The following PXDNL variants were observed in gnomAD, a reference collection of about 807,000 sequenced individuals.
PXDNL encodes the protein peroxidasin like.
A neutral mutation model predicts 150.8 loss-of-function variants in PXDNL; 145 were observed. The observed-to-expected ratio is 0.96, with a 90% CI of 0.84 to 1.10. The LOEUF (loss-of-function observed/expected upper bound fraction) is 1.10, where lower values mean the gene tolerates loss of function less well. PXDNL is among the 50% of genes least tolerant of loss of function. PXDNL has a pLI of 0.00. For missense variants in PXDNL, 2,087 were observed against 1,873.9 expected (o/e 1.11, Z -2.10); for synonymous variants, 757 against 725.7 (o/e 1.04, Z -0.69).
chr8:51,494,246 C>G (rs1314695977), intron 5 of PXDNL, among the ~76,000 whole-genome samples: 2 of 151,894 alleles, frequency 1.3e-5, no homozygotes, highest in African/African-American at 4.8e-5. Context: ...ACTTTGTCAC[C>G]ACCAGGCCTG....
At chr8:51,517,023 T>C (rs1205683581) in intron 4 of PXDNL, among the ~76,000 whole-genome samples, 1 of 152,226 alleles carries the variant, frequency 6.6e-6, no homozygotes, top group Non-Finnish European at 1.5e-5. Context: ...TCCTTTTACT[T>C]TCTTTTCAGG....
At chr8:51,357,121 A>T (rs907385585) in intron 19 of PXDNL, among the ~76,000 whole-genome samples, 1 of 152,216 alleles carries the variant, frequency 6.6e-6, no homozygotes, top group Admixed American at 6.5e-5. Flanking sequence ...CTCATGGACA[A>T]CAAGCAACAT....
chr8:51,582,734 A>G (rs1465719355), intron 3 of PXDNL, among the ~76,000 whole-genome samples: 2 of 152,160 alleles, frequency 1.3e-5, no homozygotes, highest in Non-Finnish European at 2.9e-5. Flanking sequence ...AATTCCTCAA[A>G]AGTAAGACAC....
At chr8:51,601,133 T>C (rs900660646) in intron 2 of PXDNL, among the ~76,000 whole-genome samples, 6 of 151,564 alleles carry the variant, frequency 4.0e-5, no homozygotes, top group Admixed American at 2.0e-4. Flanking sequence ...ACTTGCTTTA[T>C]GGCCAAGCAT....
intron 3 of PXDNL, among the ~76,000 whole-genome samples, chr8:51,574,700 T>G (rs1011833818): frequency 6.6e-6 from 1 of 152,000 alleles, no homozygotes; most frequent in Non-Finnish European, 1.5e-5. Context: ...CAAAGAATCA[T>G]AGGTATGACA....
intron 4 of PXDNL, among the ~76,000 whole-genome samples, chr8:51,531,250 T>C (rs1563452254): frequency 1.3e-5 from 2 of 152,224 alleles, no homozygotes; most frequent in Non-Finnish European, 2.9e-5. Context: ...GGAGTTATAA[T>C]TTTGCCCATC....
chr8:51,512,224 G>C (rs1243231946), intron 4 of PXDNL, among the ~76,000 whole-genome samples: 2 of 152,168 alleles, frequency 1.3e-5, no homozygotes, highest in Middle Eastern at 3.2e-3. Flanking sequence ...GAAGAAAAGA[G>C]AGCAACAAAG....
At position 51,651,690 on chromosome 8, in the gene PXDNL, G is replaced by A. The variant is rs180693166; in HGVS notation, c.236+2999C>T. ...TGGTATAGTCTAACCTTTTGTCCTT[G>A]GCATTTATTAGCATTGCTCTTCCTC... On this transcript the variant is annotated intron_variant, in intron 2 of 22. Transcript: ENST00000356297. 8.7e-4 allele frequency among the ~76,000 whole-genome samples: 132 copies of A among 152,136 alleles called. 2 individuals are homozygous for A. Among genetic ancestry groups the A allele is most frequent in the African/African-American group, 2.9e-3 (121 of 41,500 alleles).
At chr8:51,563,621 T>C (rs1045680765) in intron 3 of PXDNL, among the ~76,000 whole-genome samples, 1 of 151,966 alleles carries the variant, frequency 6.6e-6, no homozygotes, top group African/African-American at 2.4e-5. Flanking sequence ...TTTACCCAAA[T>C]TGGGCCAAGA....
At chr8:51,568,404 A>G (rs1812868183) in intron 3 of PXDNL, among the ~76,000 whole-genome samples, 1 of 151,806 alleles carries the variant, frequency 6.6e-6, no homozygotes, top group African/African-American at 2.4e-5. Flanking sequence ...GGTGGTTTTT[A>G]CTTTCAATGT....
intron 17 of PXDNL, among the ~76,000 whole-genome samples, chr8:51,383,515 A>G (rs1172215810): frequency 6.6e-6 from 1 of 152,180 alleles, no homozygotes; most frequent in Non-Finnish European, 1.5e-5. Flanking sequence ...TTTGGCCAGA[A>G]TTCCCCTAAA....
At chr8:51,331,634 T>C (rs1366789389) in intron 21 of PXDNL, among the ~76,000 whole-genome samples, 2 of 152,072 alleles carry the variant, frequency 1.3e-5, no homozygotes, top group African/African-American at 4.8e-5. Context: ...GACTAGGGGC[T>C]GTTGCAGGTG....
chr8:51,658,990 G>GC (rs1554563496), intron 1 of PXDNL, among the ~76,000 whole-genome samples: 1 of 151,904 alleles, frequency 6.6e-6, no homozygotes, highest in Non-Finnish European at 1.5e-5. Context: ...TTGTACACTT[G>GC]AAAAAATGTT....
intron 5 of PXDNL, among the ~76,000 whole-genome samples, chr8:51,491,720 T>C (rs538210338): frequency 4.6e-5 from 7 of 152,196 alleles, no homozygotes; most frequent in Non-Finnish European, 1.0e-4. Flanking sequence ...TGGTGGTTTA[T>C]TGGCTACACG....
chr8:51,583,229 A>T (rs76510400), intron 3 of PXDNL, among the ~76,000 whole-genome samples: 1 of 152,062 alleles, frequency 6.6e-6, no homozygotes, highest in African/African-American at 2.4e-5. Context: ...CTCCCAGTTC[A>T]GCAGGTTGTA....
intron 19 of PXDNL, among the ~76,000 whole-genome samples, chr8:51,349,642 C>A (rs1806273249): frequency 6.6e-6 from 1 of 152,190 alleles, no homozygotes; most frequent in African/African-American, 2.4e-5. Context: ...CTCAAGACAG[C>A]AGGTTGCTTT....
chr8:51,744,816 AAAG>A lies in PXDNL; in HGVS notation c.164+64362_164+64364del, dbSNP rs1237661678. Among the ~76,000 whole-genome samples the A allele has an allele frequency of 1.5e-4, 23 of 150,824 alleles. No homozygotes were observed. The South Asian group carries it at 4.2e-3, about 28-fold the overall frequency. On this transcript the variant is annotated intron_variant, in intron 1 of 22. Coordinates refer to ENST00000356297, the MANE Select transcript of PXDNL (RefSeq NM_144651.5). ...AAGAGAAAGAGAGAGAAAGAAAGAGAAAGAAGGACAGACAGAAAGAAAAGGAAG... is the reference window on the plus strand; with the variant it reads ...AAGAGAAAGAGAGAGAAAGAAAGAGAAAGGACAGACAGAAAGAAAAGGAAG...
At chr8:51,352,615 C>T (rs190962685) in intron 19 of PXDNL, among the ~76,000 whole-genome samples, 5 of 152,262 alleles carry the variant, frequency 3.3e-5, no homozygotes, top group Admixed American at 3.3e-4. Context: ...GCTTTCTTCT[C>T]CTTTGCCTTC....
At chr8:51,735,277 T>C (rs1018647002) in intron 1 of PXDNL, among the ~76,000 whole-genome samples, 2 of 151,800 alleles carry the variant, frequency 1.3e-5, no homozygotes, top group East Asian at 3.9e-4. Context: ...GGTCAGGAGT[T>C]TGAGATCAGC....
Sources: allele counts gnomAD v4.1 joint callset (sites outside exome capture counted in the v4.1 genomes callset), GRCh38; gene constraint gnomAD v4.1.1; transcripts MANE v1.5; gene names NCBI Gene and HGNC (gene_info 2026-07-23, HGNC 2026-07-21).